Variants in POLN observed in about 807,000 individuals in gnomAD.
POLN encodes DNA polymerase nu, also known as DNA polymerase N.
Under a neutral mutation model 113.5 loss-of-function variants are expected in POLN, and 108 were observed. The observed-to-expected ratio is 0.95, with a 90% CI of 0.81 to 1.12. POLN has a LOEUF of 1.12. Ranked by LOEUF, POLN falls within the 50% of genes most tolerant of loss-of-function variation. The pLI, the probability that POLN is intolerant of heterozygous loss-of-function variation, is 0.00. For synonymous variants in POLN, 386 were observed against 391.5 expected (o/e 0.99, Z 0.17); for missense variants, 1,097 against 1,077.1 (o/e 1.02, Z -0.26).
At chr4:2,238,537 A>G in intron 2 of POLN, 1 of 1,053,800 alleles carries the variant, frequency 9.5e-7, no homozygotes, top group Non-Finnish European at 1.3e-6. Context: ...TTTTAGCTCA[A>G]ACTCTCTCTA....
At chr4:2,169,355 G>C (rs1490715062) in intron 13 of POLN, among the ~76,000 whole-genome samples, 1 of 152,220 alleles carries the variant, frequency 6.6e-6, no homozygotes, top group African/African-American at 2.4e-5. Context: ...GGATCTAAGT[G>C]AGAAAGGTCT....
chr4:2,138,893 CA>C (rs768293044), intron 16 of POLN, among the ~76,000 whole-genome samples: 11 of 142,564 alleles, frequency 7.7e-5, no homozygotes, highest in African/African-American at 1.8e-4. Context: ...GACTCTGTCT[CA>C]AAAAAAAAGA....
rs1017403391 is a variant in POLN at position 2,181,956 on chromosome 4, C to T, written c.1022-2491G>A. 4.6e-5 allele frequency among the ~76,000 whole-genome samples: 7 copies of T among 150,802 alleles called. 1 individual carries two copies. The South Asian group carries it at 1.5e-3, about 32-fold the overall frequency. On this transcript the variant is annotated intron_variant, in intron 7 of 25. Coordinates refer to ENST00000511885, the MANE Select transcript of POLN (RefSeq NM_181808.4). ...CGGAGCTTTCAGTGAGCTGAGATCA[C>T]GCCACTGCACTCCAGCCTGGGCAAC...
intron 16 of POLN, among the ~76,000 whole-genome samples, chr4:2,136,661 T>C (rs1042921257): frequency 2.3e-4 from 35 of 152,374 alleles, no homozygotes; most frequent in African/African-American, 7.5e-4. Context: ...ATGCAGGGAA[T>C]AGTCTCAGCT....
In POLN at chr4:2,208,269, T is replaced by C. The variant is rs1274951330; in HGVS notation, c.432A>G (p.Ile144Met). Residue 144 changes from isoleucine (I) to methionine (M), a missense_variant, in exon 5 of 26, where the codon ATA becomes ATG. Transcript: ENST00000511885. ...TAATGCTTCCTTTATTTTCATTATT[T>C]ATATTCTCCATTAGGAAATGCTTTC... ...HKRKHFLMEN[I>M]NNENKGSINL... 4 of 1,589,204 alleles carry C rather than the reference T, an allele frequency of 2.5e-6. No homozygotes were observed. The highest frequency in any genetic ancestry group is 3.4e-6 in the Non-Finnish European group (4 of 1,162,362).
intron 19 of POLN, among the ~76,000 whole-genome samples, chr4:2,106,507 T>C (rs971548102): frequency 4.6e-5 from 7 of 152,218 alleles, no homozygotes; most frequent in African/African-American, 1.7e-4. Context: ...CATGTGTGAA[T>C]GCCTAACCCA....
intron 7 of POLN, among the ~76,000 whole-genome samples, chr4:2,185,375 T>C (rs1733244533): frequency 1.3e-5 from 2 of 152,232 alleles, no homozygotes; most frequent in South Asian, 4.1e-4. Context: ...CAATCTGGTT[T>C]CTTGAACACC....
At chr4:2,090,696 C>G in intron 20 of POLN, 1 of 212,496 alleles carries the variant, frequency 4.7e-6, no homozygotes, top group South Asian at 1.1e-4. Flanking sequence ...GGTGCCAGCT[C>G]AGGAGTACTA....
chr4:2,240,483 A>G, intron 2 of POLN: 1 of 1,613,884 alleles, frequency 6.2e-7, no homozygotes. Flanking sequence ...CATTGCATTT[A>G]GAATTCCTTG....
At position 2,078,474 on chromosome 4, in the gene POLN, T is replaced by C. The variant is rs1373698025; in HGVS notation, c.2387+2484A>G. On this transcript the variant is annotated intron_variant, in intron 23 of 25. Coordinates refer to ENST00000511885, the MANE Select transcript of POLN (RefSeq NM_181808.4). ...GGTGGCCAGATGAATCTTCTTCTTC[T>C]TTTTTTTTTTTTTTGTTAGACAGAC... 4.3e-5 allele frequency: 8 copies of C among 184,898 alleles called. No homozygotes were observed. In the South Asian group the frequency reaches 9.2e-4, roughly 21 times the overall value. 11.5% of individuals were successfully genotyped at this position (184,898 alleles called of 1,614,324 possible). A position where few individuals can be genotyped will look rare whatever the true frequency, so the allele number is the denominator to read the frequency against.
At chr4:2,174,781 T>A in intron 9 of POLN, 30 bp from the exon 10 acceptor site, 1 of 1,457,576 alleles carries the variant, frequency 6.9e-7, no homozygotes, top group Non-Finnish European at 9.5e-7. Context: ...AACATCAACG[T>A]CAATTTAAAT....
At chr4:2,148,429 G>A (rs1013757791) in intron 16 of POLN, among the ~76,000 whole-genome samples, 2 of 152,182 alleles carry the variant, frequency 1.3e-5, no homozygotes, top group Non-Finnish European at 2.9e-5. Flanking sequence ...AGCACTTTGG[G>A]AGGCCGACGC....
chr4:2,079,911 C>G (rs1730364044), intron 23 of POLN: 1 of 985,476 alleles, frequency 1.0e-6, no homozygotes, highest in Non-Finnish European at 1.2e-6. Flanking sequence ...ATGCCCCACT[C>G]CTGCCTTCTG....
intron 18 of POLN, among the ~76,000 whole-genome samples, chr4:2,128,559 T>C (rs555474053): frequency 6.6e-6 from 1 of 152,128 alleles, no homozygotes; most frequent in African/African-American, 2.4e-5. Flanking sequence ...GGCACCAAGA[T>C]GGTCTCTGGG....
intron 3 of POLN, among the ~76,000 whole-genome samples, chr4:2,222,154 A>G (rs1247037299): frequency 1.3e-5 from 2 of 150,420 alleles, no homozygotes; most frequent in Middle Eastern, 6.3e-3. Context: ...GATACTCAAG[A>G]TTTTTTTTTT....
At chr4:2,187,243 T>TTTTGTTTG (rs60252914) in intron 7 of POLN, among the ~76,000 whole-genome samples, 4 of 151,550 alleles carry the variant, frequency 2.6e-5, no homozygotes, top group African/African-American at 7.3e-5. Context: ...TGTTTGTTTG[T>TTTTGTTTG]TTTGTTTGTT....
intron 3 of POLN, among the ~76,000 whole-genome samples, chr4:2,226,571 CAA>C (rs1047259109): frequency 6.6e-6 from 1 of 152,120 alleles, no homozygotes; most frequent in African/African-American, 2.4e-5. Flanking sequence ...TTTTTCATGA[CAA>C]AGTGTTTCTA....
At chr4:2,121,779 C>A (rs1731449999) in intron 19 of POLN, among the ~76,000 whole-genome samples, 1 of 151,654 alleles carries the variant, frequency 6.6e-6, no homozygotes, top group South Asian at 2.1e-4. Context: ...GCTGATTTTT[C>A]AAAGAGCTAA....
intron 2 of POLN, chr4:2,238,630 A>C (rs1383802632): frequency 6.2e-7 from 1 of 1,604,992 alleles, no homozygotes; most frequent in Admixed American, 1.7e-5. Context: ...CCTTAGTATC[A>C]ATGGTATTCC....
Sources: allele counts gnomAD v4.1 joint callset (sites outside exome capture counted in the v4.1 genomes callset), GRCh38; gene constraint gnomAD v4.1.1; transcripts MANE v1.5; gene names NCBI Gene and HGNC (gene_info 2026-07-23, HGNC 2026-07-21).